Variants in RNF8 observed in about 807,000 individuals in gnomAD.
The protein encoded by RNF8 is ring finger protein 8.
In RNF8, 8 loss-of-function variants were observed where a neutral mutation model predicts 59.3. The observed-to-expected ratio is 0.13, with a 90% CI of 0.08 to 0.24. RNF8 has a LOEUF of 0.24. Among genes scored for constraint, RNF8 ranks in the 10% least tolerant of loss-of-function variants. The pLI, the probability that RNF8 is intolerant of heterozygous loss-of-function variation, is 1.00. For synonymous variants in RNF8, 162 were observed against 200.0 expected, an observed-to-expected ratio of 0.81 and a Z score of 1.60; for missense variants, 406 against 572.6, an observed-to-expected ratio of 0.71 and a Z score of 2.97.
chr6:37,368,825 A>C lies in RNF8; in HGVS notation c.582A>C (p.Glu194Asp), dbSNP rs757004380. The change falls in exon 3 of 8, where the codon GAA becomes GAC. Residue 194 changes from glutamate (E) to aspartate (D), a missense_variant. Glu to Asp is a conservative substitution (Grantham distance 45). This residue lies in a region of RNF8 where 285 missense variants were observed against 342.0 expected (regional missense o/e 0.83). Transcript: ENST00000373479. ...CAGTGAAATCACAGGGGAAAGGTGA[A>C]GTGGCCAGTACACCCTCTGACAATT... The part of the protein sequence containing the change: ...GQPVKSQGKG[E>D]VASTPSDNLD... 10 of 1,614,066 alleles carry C rather than the reference A, an allele frequency of 6.2e-6. No individual in the cohort carries two copies. Among genetic ancestry groups the C allele is most frequent in the Non-Finnish European group, 8.5e-6 (10 of 1,180,036 alleles).
Position 37,390,927 on chromosome 6 carries a change from A to G in RNF8, c.*169A>G. 3.6e-6 allele frequency: 4 copies of G among 1,098,328 alleles called. No individual in the cohort carries two copies. Among genetic ancestry groups the G allele is most frequent in the Non-Finnish European group, 5.5e-6 (4 of 721,028 alleles). The allele number at this position is 1,098,328 out of a possible 1,614,324, so 68.0% of individuals were successfully genotyped here. A position where few individuals can be genotyped will look rare whatever the true frequency, so the allele number is the denominator to read the frequency against. The stretch of plus-strand genomic sequence containing the variant: ...CAGTCACTTGCCTTCCACGGTGGCC[A>G]GCCCTGCTGCCATCATTGGCTGAAG... On this transcript the variant is annotated 3_prime_UTR_variant, in exon 8 of 8. Coordinates refer to ENST00000373479, the MANE Select transcript of RNF8 (RefSeq NM_003958.4).
chr6:37,374,721 A>G lies in RNF8; in HGVS notation c.1128+12A>G. ...TAGAGCAGACCAAGGTACTGGAAAGAAGATGGAAGTTTAGAATTTGGTTAG... is the reference window on the plus strand; with the variant it reads ...TAGAGCAGACCAAGGTACTGGAAAGGAGATGGAAGTTTAGAATTTGGTTAG... On this transcript the variant is annotated intron_variant, in intron 5 of 7. Transcript: ENST00000373479. 1 of 1,606,784 alleles carries G rather than the reference A, an allele frequency of 6.2e-7. No individual in the cohort carries two copies. Among genetic ancestry groups the G allele is most frequent in the Non-Finnish European group, 8.5e-7 (1 of 1,173,494 alleles).
intron 2 of RNF8, among the ~76,000 whole-genome samples, chr6:37,366,167 G>A (rs1373786284): frequency 6.6e-6 from 1 of 152,130 alleles, no homozygotes; most frequent in Non-Finnish European, 1.5e-5. Context: ...GAAGTTCTGA[G>A]GGCAAACTTC....
intron 7 of RNF8, among the ~76,000 whole-genome samples, chr6:37,383,926 C>G (rs1770383909): frequency 6.6e-6 from 1 of 152,056 alleles, no homozygotes; most frequent in South Asian, 2.1e-4. Context: ...CAGCTCCTCC[C>G]CTCCCGTTTC....
rs1769323184 is a variant in RNF8, at chr6:37,361,506, T to G, written c.240+932T>G. On this transcript the variant is annotated intron_variant, in intron 2 of 7. Transcript: ENST00000373479. ...GCTATCAAAAAGAAAAGAAGATACCTAAAGTGCAGATATACAAGCACCGAG... is the reference window on the plus strand; with the variant it reads ...GCTATCAAAAAGAAAAGAAGATACCGAAAGTGCAGATATACAAGCACCGAG... The G allele has an allele frequency of 5.8e-5, 21 of 364,302 alleles. No homozygotes were observed. In the Admixed American group the frequency reaches 7.7e-4, roughly 13 times the overall value. 22.6% of individuals were successfully genotyped at this position (364,302 alleles called of 1,614,324 possible).
In RNF8 at chr6:37,360,697, G is replaced by T; in HGVS notation, c.240+123G>T. 1.0e-6 allele frequency: 1 copy of T among 994,196 alleles called. No homozygotes were observed. Among genetic ancestry groups the T allele is most frequent in the South Asian group, 1.9e-5 (1 of 53,946 alleles). 61.6% of individuals were successfully genotyped at this position (994,196 alleles called of 1,614,324 possible). A position where few individuals can be genotyped will look rare whatever the true frequency, so the allele number is the denominator to read the frequency against. ...TAACTTCTTCTTTCCTAGCCATCCA[G>T]TTCCCTTTTCCAGAGGCAGCCACTT... On this transcript the variant is annotated intron_variant, in intron 2 of 7. Transcript: ENST00000373479. This position sits in a 1 kb window ranked among gnomAD's most constrained non-coding sequence, Gnocchi z 4.2.
intron 7 of RNF8, among the ~76,000 whole-genome samples, chr6:37,388,752 A>G (rs1021099629): frequency 1.3e-5 from 2 of 151,070 alleles, no homozygotes; most frequent in African/African-American, 2.5e-5. Context: ...CAGCCTGGGC[A>G]ACATAGTGAG....
chr6:37,392,838 T>A lies in RNF8; in HGVS notation c.*2080T>A. 2.6e-6 allele frequency: 1 copy of A among 386,660 alleles called. No homozygotes were observed. Among genetic ancestry groups the A allele is most frequent in the Non-Finnish European group, 4.5e-6 (1 of 219,948 alleles). 24.0% of individuals were successfully genotyped at this position (386,660 alleles called of 1,614,324 possible). A position where few individuals can be genotyped will look rare whatever the true frequency, so the allele number is the denominator to read the frequency against. Reference sequence around the variant, plus strand: ...TACCTTTTTAAAAATTATTTTATTATTTTTTAATAGAGACTATGTTGCCTA... The same window carrying A: ...TACCTTTTTAAAAATTATTTTATTAATTTTTAATAGAGACTATGTTGCCTA... On this transcript the variant is annotated 3_prime_UTR_variant, in exon 8 of 8. Coordinates refer to ENST00000373479, the MANE Select transcript of RNF8 (RefSeq NM_003958.4).
rs1357841478 is a variant in RNF8, at chr6:37,392,575, G to A, written c.*1817G>A. 2.5e-6 allele frequency: 1 copy of A among 398,394 alleles called. No homozygotes were observed. Among genetic ancestry groups the A allele is most frequent in the African/African-American group, 2.1e-5 (1 of 48,602 alleles). The allele number at this position is 398,394 out of a possible 1,614,324, so 24.7% of individuals were successfully genotyped here. A position where few individuals can be genotyped will look rare whatever the true frequency, so the allele number is the denominator to read the frequency against. On this transcript the variant is annotated 3_prime_UTR_variant, in exon 8 of 8. Coordinates refer to ENST00000373479, the MANE Select transcript of RNF8 (RefSeq NM_003958.4). ...GCTTTGCACAAATGGTAAACTGTAC[G>A]CTATTCTGAACCTTGCTTTTTTCAG...
At chr6:37,380,646 G>T (rs1360819940) in intron 6 of RNF8, among the ~76,000 whole-genome samples, 2 of 150,674 alleles carry the variant, frequency 1.3e-5, no homozygotes, top group Admixed American at 6.6e-5. Context: ...ACTCCAGCCT[G>T]GGGGACAGAG....
Position 37,354,360 on chromosome 6 carries a change from C to G in RNF8, c.111+85C>G, listed in dbSNP as rs527443733. ...GGAGGGAGGAAGGTGTCTTGCTGGG[C>G]TGAATGAATGGCAGAGAGGAGGCGG... On this transcript the variant is annotated intron_variant, in intron 1 of 7. Transcript: ENST00000373479. 3.9e-4 allele frequency: 419 copies of G among 1,070,214 alleles called. 1 individual carries two copies. Among genetic ancestry groups the G allele is most frequent in the Admixed American group, 7.6e-4 (29 of 38,032 alleles). 66.3% of individuals were successfully genotyped at this position (1,070,214 alleles called of 1,614,324 possible).
intron 1 of RNF8, among the ~76,000 whole-genome samples, chr6:37,356,546 A>T (rs964816461): frequency 2.0e-5 from 3 of 152,242 alleles, no homozygotes; most frequent in African/African-American, 7.2e-5. Flanking sequence ...TGTTAAAGCA[A>T]TGCATAGAGT....
chr6:37,354,556 C>CG (rs758609043), intron 1 of RNF8, among the ~76,000 whole-genome samples: 5 of 150,862 alleles, frequency 3.3e-5, no homozygotes, highest in African/African-American at 9.8e-5. Flanking sequence ...CTGGGGAGCC[C>CG]GGGGGGGCCA....
At chr6:37,361,266 G>A (rs1769311024) in intron 2 of RNF8, 2 of 454,496 alleles carry the variant, frequency 4.4e-6, no homozygotes, top group African/African-American at 4.0e-5. Flanking sequence ...ATGAATTCTG[G>A]GTTATAGTGT....
rs1198370035 is a variant in RNF8 at position 37,393,723 on chromosome 6, T to C, written c.*2965T>C. 1 of 152,266 alleles carries C rather than the reference T, an allele frequency of 6.6e-6. No individual in the cohort carries two copies. Among genetic ancestry groups the C allele is most frequent in the Non-Finnish European group, 1.5e-5 (1 of 68,046 alleles). 9.4% of individuals were successfully genotyped at this position (152,266 alleles called of 1,614,324 possible). On this transcript the variant is annotated 3_prime_UTR_variant, in exon 8 of 8. Coordinates refer to ENST00000373479, the MANE Select transcript of RNF8 (RefSeq NM_003958.4). The stretch of plus-strand genomic sequence containing the variant: ...GCATGTTTCATCCCAACAATCAGAC[T>C]GTGCCAAAGCAGGGGACTTTGTCCT...
chr6:37,380,364 A>T (rs909825937), intron 6 of RNF8, among the ~76,000 whole-genome samples: 2 of 152,096 alleles, frequency 1.3e-5, no homozygotes, highest in African/African-American at 4.8e-5. Context: ...ATTGTCTAAC[A>T]TAAAGCTTAA....
chr6:37,368,600 G>A lies in RNF8; in HGVS notation c.357G>A (p.Glu119=). ...CTCTGGAAAATAAGGAGAATGCGGA[G>A]TATGAATATGAAGTTACTGAAGAAG... The part of the protein sequence containing the change: ...GVPLENKENA[E]YEYEVTEEDW... Residue 119 remains glutamate (E), a synonymous_variant, in exon 3 of 8, where the codon GAG becomes GAA. Transcript: ENST00000373479. 1 of 1,614,144 alleles carries A rather than the reference G, an allele frequency of 6.2e-7. No individual in the cohort carries two copies. Among genetic ancestry groups the A allele is most frequent in the Non-Finnish European group, 8.5e-7 (1 of 1,180,016 alleles).
At chr6:37,369,585 G>A (rs1363527624) in intron 3 of RNF8, among the ~76,000 whole-genome samples, 1 of 152,222 alleles carries the variant, frequency 6.6e-6, no homozygotes, top group African/African-American at 2.4e-5. Flanking sequence ...TAGTCCAATT[G>A]AATCAATAGT....
chr6:37,376,596 C>T (rs927975394), intron 5 of RNF8, among the ~76,000 whole-genome samples: 2 of 152,054 alleles, frequency 1.3e-5, no homozygotes, highest in Non-Finnish European at 2.9e-5. Flanking sequence ...GAGCATGGAG[C>T]CCTCATGACC....
Sources: gnomAD v4.1 joint callset for allele counts (sites outside exome capture counted in the v4.1 genomes callset) on GRCh38, gnomAD v4.1.1 for gene constraint, gnomAD v4.1.1 regional missense constraint, Gnocchi (gnomAD v3.1) non-coding constraint, MANE v1.5 for transcripts, NCBI Gene and HGNC (gene_info 2026-07-23, HGNC 2026-07-21) for gene names.